SESN1: variants seen among roughly 807,000 people sequenced by gnomAD.
SESN1 encodes sestrin-1.
In SESN1, 30 loss-of-function variants were observed where a neutral mutation model predicts 59.3. The ratio of observed to expected loss-of-function variants is 0.51; its 90% CI spans 0.38 to 0.69. The LOEUF (loss-of-function observed/expected upper bound fraction) is 0.69. SESN1 is among the 30% of genes least tolerant of loss of function. The pLI is 0.00. For missense variants in SESN1, 566 were observed against 673.0 expected (o/e 0.84, Z 1.76); for synonymous variants, 197 against 219.9 (o/e 0.90, Z 0.92).
intron 1 of SESN1, among the ~76,000 whole-genome samples, chr6:109,006,133 T>C (rs1779725815): frequency 6.6e-6 from 1 of 152,164 alleles, no homozygotes. Flanking sequence ...ATACTACCTG[T>C]AAACAAAGAA....
intron 8 of SESN1, 85 bp from the exon 9 acceptor site, chr6:108,988,772 T>C: frequency 9.2e-7 from 1 of 1,083,958 alleles, no homozygotes; most frequent in Non-Finnish European, 1.3e-6. Context: ...CAATAGTTAA[T>C]ACTGTATTTT....
chr6:109,022,411 CTTTTTTTTTTTTTTTT>C (rs779366759), intron 1 of SESN1, among the ~76,000 whole-genome samples: 2 of 65,878 alleles, frequency 3.0e-5, no homozygotes, highest in East Asian at 1.0e-3. Flanking sequence ...TGTTCTAAAG[CTTTTTTTTTTTTTTTT>C]TTTTTTTTTT....
rs548371623 is a variant in SESN1 at position 109,012,266 on chromosome 6, G to C, written c.280-9923C>G. ...TTTCTTTTTTTTTTTTTTTTGAGAC[G>C]GAGTCTCGCTCTGTCGCCCAGGCTG... On this transcript the variant is annotated intron_variant, in intron 1 of 9. Coordinates refer to ENST00000436639, the MANE Select transcript of SESN1 (RefSeq NM_014454.3). Among the ~76,000 whole-genome samples, 3 of 148,494 alleles carry C rather than the reference G, an allele frequency of 2.0e-5. No homozygotes were observed. In the East Asian group the frequency reaches 5.9e-4, roughly 29 times the overall value.
chr6:109,000,686 A>C lies in SESN1; in HGVS notation c.547-13T>G. 1 of 1,522,184 alleles carries C rather than the reference A, an allele frequency of 6.6e-7. No individual in the cohort carries two copies. The highest frequency in any genetic ancestry group is 8.8e-7 in the Non-Finnish European group (1 of 1,134,930). 94.3% of individuals were successfully genotyped at this position (1,522,184 alleles called of 1,614,324 possible). A position where few individuals can be genotyped will look rare whatever the true frequency, so the allele number is the denominator to read the frequency against. On this transcript the variant is annotated splice_polypyrimidine_tract_variant and intron_variant, in intron 3 of 9. Transcript: ENST00000436639. The stretch of plus-strand genomic sequence containing the variant: ...GTCTTGCCGCAGCCTTAAAACAAAA[A>C]GATTATTCTAATTATAAATATTAAA...
At chr6:109,005,888 C>T (rs1415145308) in intron 1 of SESN1, among the ~76,000 whole-genome samples, 1 of 152,146 alleles carries the variant, frequency 6.6e-6, no homozygotes, top group Non-Finnish European at 1.5e-5. Flanking sequence ...TAAGGTCTAA[C>T]AGATTTGGCT....
chr6:109,045,370 CTT>C (rs1393517846), intron 1 of SESN1, among the ~76,000 whole-genome samples: 1 of 152,206 alleles, frequency 6.6e-6, no homozygotes, highest in African/African-American at 2.4e-5. Context: ...CTGGAGAAGT[CTT>C]TCCAAAATGC....
intron 1 of SESN1, among the ~76,000 whole-genome samples, chr6:109,002,764 T>C (rs1296624964): frequency 6.6e-6 from 1 of 152,132 alleles, no homozygotes; most frequent in Non-Finnish European, 1.5e-5. Context: ...TGTCTTAAAC[T>C]AGAAAAAGTG....
At chr6:109,033,902 C>G (rs563514746) in intron 1 of SESN1, among the ~76,000 whole-genome samples, 1 of 152,150 alleles carries the variant, frequency 6.6e-6, no homozygotes. Flanking sequence ...CTTAAGCATT[C>G]GTAAAGAAGC....
At chr6:108,996,220 C>T (rs1448647348) in intron 5 of SESN1, among the ~76,000 whole-genome samples, 1 of 152,174 alleles carries the variant, frequency 6.6e-6, no homozygotes, top group East Asian at 1.9e-4. Flanking sequence ...AAGAGACAAT[C>T]TATATCACTT....
intron 1 of SESN1, among the ~76,000 whole-genome samples, chr6:109,067,730 C>T (rs1352323257): frequency 3.9e-5 from 6 of 152,316 alleles, no homozygotes; most frequent in Admixed American, 1.3e-4. Flanking sequence ...AAGTACTATT[C>T]TTTTCACAGT....
At chr6:109,033,451 GGAT>G (rs753724978) in intron 1 of SESN1, among the ~76,000 whole-genome samples, 1 of 152,150 alleles carries the variant, frequency 6.6e-6, no homozygotes, top group Non-Finnish European at 1.5e-5. Flanking sequence ...CTTATCAATA[GGAT>G]GATAAGGTTA....
At chr6:109,021,146 C>A (rs1345153048) in intron 1 of SESN1, among the ~76,000 whole-genome samples, 1 of 151,982 alleles carries the variant, frequency 6.6e-6, no homozygotes. Context: ...GGCATGCCAC[C>A]ATGACTGTCT....
intron 7 of SESN1, among the ~76,000 whole-genome samples, chr6:108,992,559 C>T (rs946767668): frequency 3.3e-5 from 5 of 152,222 alleles, no homozygotes. Flanking sequence ...TAAATACTTA[C>T]ATATTTAAAT....
At chr6:109,010,557 T>C (rs1161422271) in intron 1 of SESN1, among the ~76,000 whole-genome samples, 1 of 152,226 alleles carries the variant, frequency 6.6e-6, no homozygotes, top group African/African-American at 2.4e-5. Flanking sequence ...GAAGTGACGC[T>C]ACCGTGTCTC....
At chr6:109,023,590 G>A (rs75215027) in intron 1 of SESN1, among the ~76,000 whole-genome samples, 1 of 152,236 alleles carries the variant, frequency 6.6e-6, no homozygotes, top group African/African-American at 2.4e-5. Context: ...CAAGGATTTG[G>A]GGAAGTATGT....
rs1455989218 is a variant in SESN1 at position 109,093,894 on chromosome 6, A to G, written c.180T>C (p.Asp60=). The G allele has an allele frequency of 6.2e-7, 1 of 1,614,106 alleles. No homozygotes were observed. Among genetic ancestry groups the G allele is most frequent in the Non-Finnish European group, 8.5e-7 (1 of 1,180,048 alleles). Residue 60 remains aspartate, a synonymous_variant, in exon 1 of 10, where the codon GAT becomes GAC. Coordinates refer to ENST00000436639, the MANE Select transcript of SESN1 (RefSeq NM_014454.3). ...GATGAGCAAGTAGCTTATTCAACCC[A>G]TCCGAAGACTCGGTATTTGAAAGCC... ...SDGLSNTESS[D]GLNKLLAHLL...
At chr6:109,047,504 C>T (rs1454851168) in intron 1 of SESN1, among the ~76,000 whole-genome samples, 4 of 129,220 alleles carry the variant, frequency 3.1e-5, no homozygotes, top group Admixed American at 2.2e-4. Flanking sequence ...CCAGCCGCCC[C>T]GTCCGGGAGG....
intron 8 of SESN1, among the ~76,000 whole-genome samples, chr6:108,990,324 A>T (rs1459137485): frequency 6.6e-6 from 1 of 152,230 alleles, no homozygotes. Flanking sequence ...GAGATAGATT[A>T]TATGAAGAGA....
Position 109,093,852 on chromosome 6 carries a change from C to T in SESN1, c.222G>A (p.Lys74=), listed in dbSNP as rs1781395519. ...KLLAHLLMLS[K]RCPFKDVREK... ...CTCTCACATCTTTGAAGGGACACCTCTTAGAAAGCATAAGCAGATGAGCAA... is the reference window on the plus strand; with the variant it reads ...CTCTCACATCTTTGAAGGGACACCTTTTAGAAAGCATAAGCAGATGAGCAA... The change falls in exon 1 of 10, where the codon AAG becomes AAA. Residue 74 remains lysine (K), a synonymous_variant. Coordinates refer to ENST00000436639, the MANE Select transcript of SESN1 (RefSeq NM_014454.3). The T allele has an allele frequency of 6.2e-7, 1 of 1,614,098 alleles. No homozygotes were observed. Among genetic ancestry groups the T allele is most frequent in the Non-Finnish European group, 8.5e-7 (1 of 1,180,056 alleles).
Sources: allele counts gnomAD v4.1 joint callset (sites outside exome capture counted in the v4.1 genomes callset), GRCh38; gene constraint gnomAD v4.1.1; transcripts MANE v1.5; gene names NCBI Gene and HGNC (gene_info 2026-07-23, HGNC 2026-07-21).